The following PCDH9 variants were observed in gnomAD, a reference collection of about 807,000 sequenced individuals.
PCDH9 encodes the protein protocadherin-9.
In PCDH9, 24 loss-of-function variants were observed where a neutral mutation model predicts 70.6. That is an observed-to-expected ratio of 0.34 (90% CI 0.25 to 0.48). The LOEUF (loss-of-function observed/expected upper bound fraction) is 0.48, where lower values mean the gene tolerates loss of function less well. Among genes scored for constraint, PCDH9 ranks in the 20% least tolerant of loss-of-function variants. The pLI, the probability that PCDH9 is intolerant of heterozygous loss-of-function variation, is 0.99. For synonymous variants in PCDH9, 562 were observed against 558.5 expected, an observed-to-expected ratio of 1.01 and a Z score of -0.09; for missense variants, 1,281 against 1,503.6, an observed-to-expected ratio of 0.85 and a Z score of 2.45.
chr13:66,529,033 A>G (rs550294274), intron 4 of PCDH9, among the ~76,000 whole-genome samples: 1 of 152,194 alleles, frequency 6.6e-6, no homozygotes, highest in South Asian at 2.1e-4. Context: ...TCCACACTGT[A>G]CCTCCTTTAA....
chr13:66,656,371 A>G (rs1482247439), intron 3 of PCDH9, among the ~76,000 whole-genome samples: 1 of 152,158 alleles, frequency 6.6e-6, no homozygotes, highest in Admixed American at 6.5e-5. Flanking sequence ...TAGAGTTAAG[A>G]CACCATCAGA....
chr13:67,174,187 T>C (rs2088376264), intron 2 of PCDH9, among the ~76,000 whole-genome samples: 1 of 152,200 alleles, frequency 6.6e-6, no homozygotes, highest in East Asian at 1.9e-4. Flanking sequence ...ACATAAAATA[T>C]GTCCTTAGTA....
At chr13:66,331,785 G>T (rs1449041048) in intron 4 of PCDH9, among the ~76,000 whole-genome samples, 1 of 152,120 alleles carries the variant, frequency 6.6e-6, no homozygotes, top group Non-Finnish European at 1.5e-5. Flanking sequence ...CTCTGTCTCA[G>T]AACTTAGGAA....
intron 4 of PCDH9, among the ~76,000 whole-genome samples, chr13:66,344,822 A>G (rs1042408459): frequency 2.6e-5 from 4 of 152,222 alleles, no homozygotes; most frequent in Non-Finnish European, 4.4e-5. Context: ...AGCTTAAACC[A>G]AAACACACAT....
At chr13:67,083,857 T>C (rs1212364789) in intron 2 of PCDH9, among the ~76,000 whole-genome samples, 1 of 152,204 alleles carries the variant, frequency 6.6e-6, no homozygotes, top group Non-Finnish European at 1.5e-5. Flanking sequence ...CAATTCAGTT[T>C]AAAGGATTTT....
chr13:66,594,671 A>C (rs913481422), intron 4 of PCDH9, among the ~76,000 whole-genome samples: 5 of 151,162 alleles, frequency 3.3e-5, no homozygotes, highest in African/African-American at 1.2e-4. Context: ...ACCCTCCTCC[A>C]TCAGGTCCCA....
At chr13:67,019,237 A>G (rs1246583190) in intron 2 of PCDH9, among the ~76,000 whole-genome samples, 2 of 118,898 alleles carry the variant, frequency 1.7e-5, no homozygotes, top group East Asian at 5.8e-4. Context: ...TCTGTCGCCC[A>G]GGCTGGAGTG....
chr13:66,325,344 C>A (rs1955824423), intron 4 of PCDH9, among the ~76,000 whole-genome samples: 1 of 151,952 alleles, frequency 6.6e-6, no homozygotes, highest in African/African-American at 2.4e-5. Context: ...TGATTGCTTC[C>A]CAGCTCCATG....
chr13:66,432,325 G>A (rs1407398151), intron 4 of PCDH9, among the ~76,000 whole-genome samples: 1 of 151,872 alleles, frequency 6.6e-6, no homozygotes, highest in Non-Finnish European at 1.5e-5. Flanking sequence ...ACAACTTTGG[G>A]AATTTGTGGC....
intron 4 of PCDH9, among the ~76,000 whole-genome samples, chr13:66,467,260 A>G (rs1474803930): frequency 1.3e-5 from 2 of 152,042 alleles, no homozygotes; most frequent in Admixed American, 1.3e-4. Flanking sequence ...AGCCTGAAAG[A>G]CTACGTTTAA....
chr13:66,409,519 C>T (rs996886492), intron 4 of PCDH9, among the ~76,000 whole-genome samples: 5 of 152,126 alleles, frequency 3.3e-5, no homozygotes, highest in Admixed American at 6.5e-5. Context: ...GTATTTTCTA[C>T]ATCTGAACAT....
At chr13:66,556,087 A>T (rs1961728847) in intron 4 of PCDH9, among the ~76,000 whole-genome samples, 1 of 151,592 alleles carries the variant, frequency 6.6e-6, no homozygotes, top group African/African-American at 2.4e-5. Context: ...TCTGTTCTGT[A>T]TCAATTTTAA....
At chr13:66,758,023 A>T (rs1370331454) in intron 3 of PCDH9, among the ~76,000 whole-genome samples, 12 of 152,108 alleles carry the variant, frequency 7.9e-5, no homozygotes, top group African/African-American at 2.9e-4. Flanking sequence ...ATCATATGTT[A>T]TTGGCATAAG....
In PCDH9 at chr13:66,856,577, T is replaced by C. The variant is rs79945235; in HGVS notation, c.3138+46927A>G. On this transcript the variant is annotated intron_variant, in intron 3 of 4. Coordinates refer to ENST00000377865, the MANE Select transcript of PCDH9 (RefSeq NM_203487.3). Reference sequence around the variant, plus strand: ...GGATATGTGTTTTTTCTCATTATCCTTCCTCTGAAAAATCAAGAGTCCCCA... The same window carrying C: ...GGATATGTGTTTTTTCTCATTATCCCTCCTCTGAAAAATCAAGAGTCCCCA... Among the ~76,000 whole-genome samples the C allele has an allele frequency of 8.0e-3, 1,210 of 152,168 alleles. 12 individuals carry two copies. The highest frequency in any genetic ancestry group is 0.027 in the African/African-American group (1,129 of 41,542).
intron 3 of PCDH9, among the ~76,000 whole-genome samples, chr13:66,637,050 T>G (rs2077647532): frequency 6.6e-6 from 1 of 151,992 alleles, no homozygotes; most frequent in Non-Finnish European, 1.5e-5. Context: ...ACTTTCTTAT[T>G]TTTATAAGAA....
chr13:66,936,071 G>A (rs902114745), intron 2 of PCDH9, among the ~76,000 whole-genome samples: 8 of 152,158 alleles, frequency 5.3e-5, no homozygotes, highest in Non-Finnish European at 7.4e-5. Flanking sequence ...GCAACAGAGC[G>A]AGACTCTGTC....
chr13:66,311,600 G>T (rs992359946), intron 4 of PCDH9, among the ~76,000 whole-genome samples: 6 of 151,972 alleles, frequency 3.9e-5, no homozygotes, highest in African/African-American at 9.7e-5. Flanking sequence ...CCATTAATTT[G>T]CCTCAAATCT....
intron 2 of PCDH9, among the ~76,000 whole-genome samples, chr13:67,048,433 G>A (rs1441084121): frequency 6.6e-6 from 1 of 152,178 alleles, no homozygotes; most frequent in Non-Finnish European, 1.5e-5. Context: ...CAAGAGTGAA[G>A]GGGAATAAGG....
intron 4 of PCDH9, among the ~76,000 whole-genome samples, chr13:66,497,600 T>C (rs930137649): frequency 6.6e-6 from 1 of 152,100 alleles, no homozygotes; most frequent in Non-Finnish European, 1.5e-5. Flanking sequence ...ATGTTAGAGA[T>C]CATATTTCAA....
Sources: allele counts gnomAD v4.1 joint callset (sites outside exome capture counted in the v4.1 genomes callset), GRCh38; gene constraint gnomAD v4.1.1; transcripts MANE v1.5; gene names NCBI Gene and HGNC (gene_info 2026-07-23, HGNC 2026-07-21).